SEPTIN7: variants seen among roughly 807,000 people sequenced by gnomAD.
The protein encoded by SEPTIN7 is septin 7.
In SEPTIN7, 10 loss-of-function variants were observed where a neutral mutation model predicts 63.3. That is an observed-to-expected ratio of 0.16 (90% CI 0.10 to 0.27). The LOEUF is 0.27. SEPTIN7 is among the 10% of genes least tolerant of loss of function. SEPTIN7 has a pLI of 1.00. For missense variants in SEPTIN7, 310 were observed against 521.0 expected (o/e 0.59, Z 3.94); for synonymous variants, 131 against 165.3 (o/e 0.79, Z 1.59).
At chr7:35,897,042 A>G (rs1787997496) in intron 11 of SEPTIN7, among the ~76,000 whole-genome samples, 1 of 152,222 alleles carries the variant, frequency 6.6e-6, no homozygotes, top group Non-Finnish European at 1.5e-5. Context: ...TAAGGAGAAA[A>G]GTCACCATAA....
intron 3 of SEPTIN7, among the ~76,000 whole-genome samples, chr7:35,863,299 A>G (rs1456015218): frequency 2.0e-5 from 3 of 152,164 alleles, no homozygotes; most frequent in Non-Finnish European, 4.4e-5. Context: ...GTAGATTATT[A>G]GATACATTAC....
At chr7:35,910,795 CAGT>C (rs1788728296), downstream of SEPTIN7, among the ~76,000 whole-genome samples, 1 of 152,174 alleles carries the variant, frequency 6.6e-6, no homozygotes, top group Admixed American at 6.5e-5. Flanking sequence ...CAGATGTTAT[CAGT>C]AGCTGAACAG....
chr7:35,873,985 T>C, intron 6 of SEPTIN7: 1 of 461,118 alleles, frequency 2.2e-6, no homozygotes, highest in South Asian at 3.5e-5. Context: ...TCTTCATTCA[T>C]AAGGATTTTC....
chr7:35,873,089 G>C (rs1269214803), intron 5 of SEPTIN7, among the ~76,000 whole-genome samples: 1 of 152,008 alleles, frequency 6.6e-6, no homozygotes, highest in African/African-American at 2.4e-5. Context: ...TTATTCATTT[G>C]TATAAATTCT....
At chr7:35,861,275 AAT>A in intron 3 of SEPTIN7, among the ~76,000 whole-genome samples, 1 of 152,272 alleles carries the variant, frequency 6.6e-6, no homozygotes, top group African/African-American at 2.4e-5. Context: ...TAATAAATCT[AAT>A]ATCTGTATTT....
At chr7:35,804,593 A>G (rs1485052432) in intron 1 of SEPTIN7, among the ~76,000 whole-genome samples, 15 of 152,186 alleles carry the variant, frequency 9.9e-5, no homozygotes, top group Non-Finnish European at 4.4e-5. Flanking sequence ...TGGCTTTGCT[A>G]CTCAATAGAT....
chr7:35,801,154 T>TA lies in SEPTIN7; in HGVS notation c.-56_-55insA. ...ACGCTGCGGAATCGGCGTAGGCGCCTTTGGAGAATCGGCGGGCTGCGCTCC... is the reference window on the plus strand; with the variant it reads ...ACGCTGCGGAATCGGCGTAGGCGCCTATTGGAGAATCGGCGGGCTGCGCTCC... On this transcript the variant is annotated 5_prime_UTR_variant, in exon 1 of 14. Transcript: ENST00000350320. 7.0e-7 allele frequency: 1 copy of TA among 1,429,404 alleles called. No homozygotes were observed. The highest frequency in any genetic ancestry group is 9.3e-7 in the Non-Finnish European group (1 of 1,074,636). The allele number at this position is 1,429,404 out of a possible 1,614,324, so 88.5% of individuals were successfully genotyped here. A position where few individuals can be genotyped will look rare whatever the true frequency, so the allele number is the denominator to read the frequency against.
chr7:35,889,630 A>G (rs1369947011), intron 10 of SEPTIN7, among the ~76,000 whole-genome samples: 1 of 151,934 alleles, frequency 6.6e-6, no homozygotes, highest in Non-Finnish European at 1.5e-5. Context: ...TGCAACCTCC[A>G]CTTCCTGGGT....
rs796417562 is a variant in SEPTIN7 at position 35,852,408 on chromosome 7, G to GA, written c.170-11133dup. On this transcript the variant is annotated intron_variant, in intron 3 of 13. Coordinates refer to ENST00000350320, the MANE Select transcript of SEPTIN7 (RefSeq NM_001788.6). ...CTTTCTTACAATTATTGGTACTTTT[G>GA]AAAAAAAAAAATGAGATAACTTGGA... 6.9e-3 allele frequency among the ~76,000 whole-genome samples: 988 copies of GA among 143,702 alleles called. 4 individuals are homozygous for GA. The highest frequency in any genetic ancestry group is 0.012 in the African/African-American group (480 of 39,382). The allele number at this position is 143,702 out of a possible 152,430, so 94.3% of individuals were successfully genotyped here. A position where few individuals can be genotyped will look rare whatever the true frequency, so the allele number is the denominator to read the frequency against.
Position 35,859,844 on chromosome 7 carries a change from A to G in SEPTIN7, c.170-3708A>G, listed in dbSNP as rs375361047. On this transcript the variant is annotated intron_variant, in intron 3 of 13. Transcript: ENST00000350320. ...TATTTGCATGAAGTATCTTTTTCCA[A>G]CCTTTTACTTTGAACCTATGTGTTT... is the stretch of plus-strand genomic sequence containing the variant. Among the ~76,000 whole-genome samples the G allele has an allele frequency of 3.7e-4, 56 of 152,080 alleles. No individual in the cohort carries two copies. In the East Asian group the frequency reaches 7.3e-3, roughly 20 times the overall value.
chr7:35,873,829 C>T (rs1786309173), intron 6 of SEPTIN7, 54 bp downstream of exon 6: 1 of 1,519,980 alleles, frequency 6.6e-7, no homozygotes, highest in Non-Finnish European at 9.1e-7. Flanking sequence ...TTACTGTTAC[C>T]TTTATGTGCA....
chr7:35,887,203 A>G (rs1562579057), intron 10 of SEPTIN7, among the ~76,000 whole-genome samples: 1 of 152,228 alleles, frequency 6.6e-6, no homozygotes, highest in Non-Finnish European at 1.5e-5. Context: ...TTACCATTGC[A>G]TTCCTCTTGT....
chr7:35,838,240 C>CTTACTTACTTACTTA (rs1562536632), intron 3 of SEPTIN7, among the ~76,000 whole-genome samples: 2 of 34,730 alleles, frequency 5.8e-5, no homozygotes, highest in Non-Finnish European at 1.2e-4. Context: ...ATCCAAACTT[C>CTTACTTACTTACTTA]CTTCCTTCCT....
intron 11 of SEPTIN7, among the ~76,000 whole-genome samples, chr7:35,894,793 A>G (rs1787864654): frequency 6.6e-6 from 1 of 152,218 alleles, no homozygotes; most frequent in African/African-American, 2.4e-5. Context: ...GACCACACAC[A>G]TAATTTAAAT....
At chr7:35,912,150 A>G in the SEPTIN7 span, among the ~76,000 whole-genome samples, 1 of 152,198 alleles carries the variant, frequency 6.6e-6, no homozygotes, top group Admixed American at 6.5e-5. Context: ...CTGGCCATAA[A>G]CTGGCCACAA....
chr7:35,886,523 A>G (rs1218798165), intron 10 of SEPTIN7, among the ~76,000 whole-genome samples: 1 of 152,200 alleles, frequency 6.6e-6, no homozygotes, highest in African/African-American at 2.4e-5. Context: ...AGATGTTAGT[A>G]GACAAGGAAC....
chr7:35,906,969 C>CA lies in SEPTIN7; in HGVS notation c.*2681dup, dbSNP rs35773269. 1 of 152,142 alleles carries CA rather than the reference C, an allele frequency of 6.6e-6. No individual in the cohort carries two copies. Among genetic ancestry groups the CA allele is most frequent in the East Asian group, 1.9e-4 (1 of 5,194 alleles). The allele number at this position is 152,142 out of a possible 1,614,324, so 9.4% of individuals were successfully genotyped here. On this transcript the variant is annotated 3_prime_UTR_variant, in exon 14 of 14. Transcript: ENST00000350320. ...CTCCAAACCTGATGCTATTTCCTTA[C>CA]AAAAATATTTGTTGAGCATGTGTCC...
intron 1 of SEPTIN7, among the ~76,000 whole-genome samples, chr7:35,817,359 T>A (rs536516845): frequency 1.6e-4 from 25 of 151,618 alleles, no homozygotes; most frequent in Non-Finnish European, 3.4e-4. Flanking sequence ...TGGCCATAAA[T>A]GTAAGGGTTT....
downstream of SEPTIN7, among the ~76,000 whole-genome samples, chr7:35,911,168 G>A (rs961014370): frequency 2.0e-5 from 3 of 152,206 alleles, no homozygotes; most frequent in African/African-American, 7.2e-5. Context: ...CCTGAAGAAA[G>A]CAGGACAACC....
Sources: gnomAD v4.1 joint callset for allele counts (sites outside exome capture counted in the v4.1 genomes callset) on GRCh38, gnomAD v4.1.1 for gene constraint, MANE v1.5 for transcripts, NCBI Gene and HGNC (gene_info 2026-07-23, HGNC 2026-07-21) for gene names.